Variants in JPH4 observed in about 807,000 individuals in gnomAD.
JPH4 encodes the protein junctophilin-4.
In JPH4, 18 loss-of-function variants were observed where a neutral mutation model predicts 57.6. The observed-to-expected ratio is 0.31, with a 90% confidence interval of 0.22 to 0.46. The LOEUF is 0.46. Among genes scored for constraint, JPH4 ranks in the 20% least tolerant of loss-of-function variants. JPH4 has a pLI of 1.00. For missense variants in JPH4, 727 were observed against 911.1 expected, an observed-to-expected ratio of 0.80 and a Z score of 2.60; for synonymous variants, 425 against 406.6, an observed-to-expected ratio of 1.05 and a Z score of -0.54.
chr14:23,571,075 G>A lies in JPH4; in HGVS notation c.1656C>T (p.Pro552=), dbSNP rs760912635. The change falls in exon 5 of 6, where the codon CCC becomes CCT. Residue 552 remains proline (P), a synonymous_variant. Coordinates refer to ENST00000356300, the MANE Select transcript of JPH4 (RefSeq NM_001146028.2). The surrounding 1 kb of genome is among the most constrained non-coding windows in gnomAD (Gnocchi z 4.6). ...CTGCTGGGGCCCTCAGCGGGGGCAGGGGCTCTTCATCCTCCCCCTCCTCCT... is the reference window on the plus strand; with the variant it reads ...CTGCTGGGGCCCTCAGCGGGGGCAGAGGCTCTTCATCCTCCCCCTCCTCCT... The part of the protein sequence containing the change: ...LREEEGEDEE[P]LPPLRAPAGT... The A allele has an allele frequency of 6.2e-7, 1 of 1,612,996 alleles. No homozygotes were observed. The highest frequency in any genetic ancestry group is 1.3e-5 in the African/African-American group (1 of 75,030).
chr14:23,568,084 G>T lies in JPH4; in HGVS notation c.*1550C>A, dbSNP rs1476383909. 8 of 983,642 alleles carry T rather than the reference G, an allele frequency of 8.1e-6. No individual in the cohort carries two copies. The highest frequency in any genetic ancestry group is 8.5e-6 in the Non-Finnish European group (7 of 828,338). 60.9% of individuals were successfully genotyped at this position (983,642 alleles called of 1,614,324 possible). ...TATATTTTTTTTGTTAAATTTCTTT[G>T]TATTTTTTTCCTGCAAGACTTGGTG... On this transcript the variant is annotated 3_prime_UTR_variant, in exon 6 of 6. Coordinates refer to ENST00000356300, the MANE Select transcript of JPH4 (RefSeq NM_001146028.2).
chr14:23,569,397 G>T lies in JPH4; in HGVS notation c.*237C>A. The T allele has an allele frequency of 9.6e-6, 5 of 520,982 alleles. No individual in the cohort carries two copies. The highest frequency in any genetic ancestry group is 3.4e-5 in the East Asian group (1 of 29,330). 32.3% of individuals were successfully genotyped at this position (520,982 alleles called of 1,614,324 possible). A position where few individuals can be genotyped will look rare whatever the true frequency, so the allele number is the denominator to read the frequency against. On this transcript the variant is annotated 3_prime_UTR_variant, in exon 6 of 6. Transcript: ENST00000356300. The surrounding 1 kb of genome is among the most constrained non-coding windows in gnomAD (Gnocchi z 4.8). ...ATGTAAACAATCTAGAGAAAGAAGGGGTTGGGATGGGGAAGGGAGTGAGGA... is the reference window on the plus strand; with the variant it reads ...ATGTAAACAATCTAGAGAAAGAAGGTGTTGGGATGGGGAAGGGAGTGAGGA...
At chr14:23,572,758 T>G (rs1889182228) in intron 3 of JPH4, 2 of 645,092 alleles carry the variant, frequency 3.1e-6, no homozygotes, top group African/African-American at 1.8e-5. Flanking sequence ...CCTACTAACA[T>G]GCAATATGCT....
Position 23,576,148 on chromosome 14 carries a change from C to T in JPH4, c.688G>A (p.Ala230Thr). 1 of 1,310,712 alleles carries T rather than the reference C, an allele frequency of 7.6e-7. No individual in the cohort carries two copies. The highest frequency in any genetic ancestry group is 9.7e-7 in the Non-Finnish European group (1 of 1,029,308). 81.2% of individuals were successfully genotyped at this position (1,310,712 alleles called of 1,614,324 possible). The part of the protein sequence containing the change: ...RRSLLLSGLR[A>T]GGRRSSLGSK... The stretch of plus-strand genomic sequence containing the variant: ...CCCAGGGAGCTGCGACGTCCGCCCG[C>T]TCGGAGCCCGCTGAGCAGCAGCGAA... The change falls in exon 3 of 6, where the codon GCG (alanine) becomes ACG (threonine). Residue 230 changes from alanine (A) to threonine (T), a missense_variant. By Grantham distance (58) the Ala-to-Thr change is moderately conservative. Around this residue, in one of 7 missense-constraint regions of JPH4, gnomAD observed 131 missense variants for 156.5 expected, o/e 0.84. Coordinates refer to ENST00000356300, the MANE Select transcript of JPH4 (RefSeq NM_001146028.2). This position sits in a 1 kb window ranked among gnomAD's most constrained non-coding sequence, Gnocchi z 8.0.
chr14:23,572,567 A>G (rs973033711), intron 3 of JPH4, among the ~76,000 whole-genome samples: 16 of 150,406 alleles, frequency 1.1e-4, no homozygotes, highest in African/African-American at 3.9e-4. Flanking sequence ...TCCTACCTCT[A>G]CCCGTACAGA....
Position 23,571,304 on chromosome 14 carries a change from C to T in JPH4, c.1427G>A (p.Cys476Tyr). 6.3e-7 allele frequency: 1 copy of T among 1,596,750 alleles called. No individual in the cohort carries two copies. The highest frequency in any genetic ancestry group is 8.5e-7 in the Non-Finnish European group (1 of 1,171,980). The stretch of plus-strand genomic sequence containing the variant: ...CCCTCCAGGAGGCAGTGGGCTCCGG[C>T]AGGCAGGGGGTCGCCAGGGTTGGCG... The part of the protein sequence containing the change: ...SSRQPWRPPA[C>Y]RSPLPPGGDQ... The change falls in exon 5 of 6, where the codon TGC becomes TAC. Residue 476 changes from cysteine to tyrosine, a missense_variant. Cys to Tyr is a radical substitution (Grantham distance 194). Around this residue, in one of 7 missense-constraint regions of JPH4, gnomAD observed 293 missense variants for 279.8 expected, o/e 1.05. Transcript: ENST00000356300. The surrounding 1 kb of genome is among the most constrained non-coding windows in gnomAD (Gnocchi z 4.6).
In JPH4 at chr14:23,571,030, G is replaced by C. The variant is rs528868041; in HGVS notation, c.1701C>G (p.Ile567Met). Reference protein sequence around the residue: ...RAPAGTEPEPIAMLVLRGSSS... With the variant: ...RAPAGTEPEPMAMLVLRGSSS... Reference sequence around the variant, plus strand: ...ACGAGCCCCTCAGGACCAGCATGGCGATGGGCTCAGGCTCCGTGCCTGCTG... The same window carrying C: ...ACGAGCCCCTCAGGACCAGCATGGCCATGGGCTCAGGCTCCGTGCCTGCTG... The change falls in exon 5 of 6, where the codon ATC (isoleucine) becomes ATG (methionine). Residue 567 changes from isoleucine to methionine, a missense_variant. This residue lies in a region of JPH4 where 293 missense variants were observed against 279.8 expected (regional missense o/e 1.05). Coordinates refer to ENST00000356300, the MANE Select transcript of JPH4 (RefSeq NM_001146028.2). The surrounding 1 kb of genome is among the most constrained non-coding windows in gnomAD (Gnocchi z 4.6). 1 of 1,595,732 alleles carries C rather than the reference G, an allele frequency of 6.3e-7. No individual in the cohort carries two copies. The highest frequency in any genetic ancestry group is 1.1e-5 in the South Asian group (1 of 88,184).
Position 23,577,508 on chromosome 14 carries a change from G to C in JPH4, c.-55C>G. On this transcript the variant is annotated 5_prime_UTR_variant, in exon 2 of 6. Transcript: ENST00000356300. This position sits in a 1 kb window ranked among gnomAD's most constrained non-coding sequence, Gnocchi z 8.4. ...GGCGGCTCAGCGCATCCTGGGACTG[G>C]AGAGCCTGCTGGGGGCCTTGGAGCC... 1 of 1,358,556 alleles carries C rather than the reference G, an allele frequency of 7.4e-7. No homozygotes were observed. Among genetic ancestry groups the C allele is most frequent in the South Asian group, 1.7e-5 (1 of 57,698 alleles). 84.2% of individuals were successfully genotyped at this position (1,358,556 alleles called of 1,614,324 possible).
intron 3 of JPH4, chr14:23,572,990 T>C (rs1277821049): frequency 1.4e-6 from 1 of 701,552 alleles, no homozygotes; most frequent in South Asian, 1.5e-5. Context: ...CTTAAATGAG[T>C]TCTGTAATTC....
chr14:23,570,359 G>A (rs1889086517), intron 5 of JPH4, among the ~76,000 whole-genome samples: 1 of 149,714 alleles, frequency 6.7e-6, no homozygotes. Context: ...ACAACCCTGG[G>A]CAAGTTACTT....
chr14:23,577,508 G>A lies in JPH4; in HGVS notation c.-55C>T. 1 of 1,358,556 alleles carries A rather than the reference G, an allele frequency of 7.4e-7. No individual in the cohort carries two copies. Among genetic ancestry groups the A allele is most frequent in the Non-Finnish European group, 9.5e-7 (1 of 1,056,364 alleles). 84.2% of individuals were successfully genotyped at this position (1,358,556 alleles called of 1,614,324 possible). ...GGCGGCTCAGCGCATCCTGGGACTG[G>A]AGAGCCTGCTGGGGGCCTTGGAGCC... On this transcript the variant is annotated 5_prime_UTR_variant, in exon 2 of 6. Coordinates refer to ENST00000356300, the MANE Select transcript of JPH4 (RefSeq NM_001146028.2). The surrounding 1 kb of genome is among the most constrained non-coding windows in gnomAD (Gnocchi z 8.4).
At position 23,571,596 on chromosome 14, in the gene JPH4, C is replaced by T. The variant is rs1007428769; in HGVS notation, c.1271-136G>A. ...TAGCCTCTCACCGCCAGACCCCAAACCCCCCATTATCCTACTGCATACATT... is the reference window on the plus strand; with the variant it reads ...TAGCCTCTCACCGCCAGACCCCAAATCCCCCATTATCCTACTGCATACATT... On this transcript the variant is annotated intron_variant, in intron 4 of 5. Transcript: ENST00000356300. This position sits in a 1 kb window ranked among gnomAD's most constrained non-coding sequence, Gnocchi z 4.6. The T allele has an allele frequency of 3.4e-6, 4 of 1,163,808 alleles. No individual in the cohort carries two copies. The highest frequency in any genetic ancestry group is 4.9e-6 in the Non-Finnish European group (4 of 820,760). The allele number at this position is 1,163,808 out of a possible 1,614,324, so 72.1% of individuals were successfully genotyped here. A position where few individuals can be genotyped will look rare whatever the true frequency, so the allele number is the denominator to read the frequency against.
chr14:23,569,583 A>G lies in JPH4; in HGVS notation c.*51T>C, dbSNP rs1464231009. 1 of 1,270,640 alleles carries G rather than the reference A, an allele frequency of 7.9e-7. No homozygotes were observed. Among genetic ancestry groups the G allele is most frequent in the East Asian group, 2.5e-5 (1 of 39,544 alleles). The allele number at this position is 1,270,640 out of a possible 1,614,324, so 78.7% of individuals were successfully genotyped here. A position where few individuals can be genotyped will look rare whatever the true frequency, so the allele number is the denominator to read the frequency against. On this transcript the variant is annotated 3_prime_UTR_variant, in exon 6 of 6. Coordinates refer to ENST00000356300, the MANE Select transcript of JPH4 (RefSeq NM_001146028.2). This position sits in a 1 kb window ranked among gnomAD's most constrained non-coding sequence, Gnocchi z 4.8. ...AGGAGAAGAGAAAAAAGGCAGGTCA[A>G]AGGGGTGAAGAGGCACGCAACCAAA...
At chr14:23,570,822 A>G in intron 5 of JPH4, 106 bp downstream of exon 5, 1 of 1,171,990 alleles carries the variant, frequency 8.5e-7, no homozygotes, top group Admixed American at 3.5e-5. Context: ...CAGGCAGAGG[A>G]AGCCGAGTGA....
At chr14:23,570,413 C>G (rs971229021) in intron 5 of JPH4, among the ~76,000 whole-genome samples, 3 of 148,172 alleles carry the variant, frequency 2.0e-5, no homozygotes, top group Non-Finnish European at 3.0e-5. Flanking sequence ...GCTCTGTCAC[C>G]CAGGCTAGAG....
chr14:23,571,789 G>C lies in JPH4; in HGVS notation c.1270+13C>G, dbSNP rs758722736. 1 of 1,608,544 alleles carries C rather than the reference G, an allele frequency of 6.2e-7. No individual in the cohort carries two copies. Among genetic ancestry groups the C allele is most frequent in the Non-Finnish European group, 8.5e-7 (1 of 1,177,310 alleles). ...GGGCCTCACTGCCCTCCCCCCAGCT[G>C]TCCATGCCTCACCTGGGGCCTCTAG... is the stretch of plus-strand genomic sequence containing the variant. On this transcript the variant is annotated intron_variant, in intron 4 of 5. Coordinates refer to ENST00000356300, the MANE Select transcript of JPH4 (RefSeq NM_001146028.2). The surrounding 1 kb of genome is among the most constrained non-coding windows in gnomAD (Gnocchi z 4.6).
At position 23,568,857 on chromosome 14, in the gene JPH4, G is replaced by C; in HGVS notation, c.*777C>G. 2.1e-6 allele frequency: 2 copies of C among 933,226 alleles called. No individual in the cohort carries two copies. Among genetic ancestry groups the C allele is most frequent in the Non-Finnish European group, 2.6e-6 (2 of 781,952 alleles). The allele number at this position is 933,226 out of a possible 1,614,324, so 57.8% of individuals were successfully genotyped here. On this transcript the variant is annotated 3_prime_UTR_variant, in exon 6 of 6. Coordinates refer to ENST00000356300, the MANE Select transcript of JPH4 (RefSeq NM_001146028.2). ...GTCAGTGGCAAAGTCTGGGCAGGGTGGACTTGACTGCATTGGATATTCTCT... is the reference window on the plus strand; with the variant it reads ...GTCAGTGGCAAAGTCTGGGCAGGGTCGACTTGACTGCATTGGATATTCTCT...
At position 23,568,464 on chromosome 14, in the gene JPH4, C is replaced by CA; in HGVS notation, c.*1169_*1170insT. ...CCACCCACCTGTCACCCGGGTTTGACTCCCACCTCTGCCCTGCCTGGGAAG... is the reference window on the plus strand; with the variant it reads ...CCACCCACCTGTCACCCGGGTTTGACATCCCACCTCTGCCCTGCCTGGGAAG... On this transcript the variant is annotated 3_prime_UTR_variant, in exon 6 of 6. Coordinates refer to ENST00000356300, the MANE Select transcript of JPH4 (RefSeq NM_001146028.2). The CA allele has an allele frequency of 1.0e-6, 1 of 985,776 alleles. No individual in the cohort carries two copies. Among genetic ancestry groups the CA allele is most frequent in the Non-Finnish European group, 1.2e-6 (1 of 829,982 alleles). The allele number at this position is 985,776 out of a possible 1,614,324, so 61.1% of individuals were successfully genotyped here.
chr14:23,571,795 G>C lies in JPH4; in HGVS notation c.1270+7C>G. On this transcript the variant is annotated splice_region_variant and intron_variant, in intron 4 of 5. Coordinates refer to ENST00000356300, the MANE Select transcript of JPH4 (RefSeq NM_001146028.2). The surrounding 1 kb of genome is among the most constrained non-coding windows in gnomAD (Gnocchi z 4.6). ...CACTGCCCTCCCCCCAGCTGTCCAT[G>C]CCTCACCTGGGGCCTCTAGCATGGG... is the stretch of plus-strand genomic sequence containing the variant. The C allele has an allele frequency of 6.2e-7, 1 of 1,608,614 alleles. No individual in the cohort carries two copies. The highest frequency in any genetic ancestry group is 8.5e-7 in the Non-Finnish European group (1 of 1,177,082).
Sources: allele counts gnomAD v4.1 joint callset (sites outside exome capture counted in the v4.1 genomes callset), GRCh38; gene constraint gnomAD v4.1.1; regional missense constraint gnomAD v4.1.1; non-coding constraint Gnocchi (gnomAD v3.1); transcripts MANE v1.5; gene names NCBI Gene and HGNC (gene_info 2026-07-23, HGNC 2026-07-21).